The following FANCI variants were observed in gnomAD, a reference collection of about 807,000 sequenced individuals.
FANCI encodes FA complementation group I.
FANCI carries 156 observed loss-of-function variants against 176.1 expected under a neutral mutation model. The observed-to-expected ratio is 0.89, with a 90% CI of 0.78 to 1.01. The LOEUF is 1.01. FANCI is among the 50% of genes least tolerant of loss of function. The pLI, the probability that FANCI is intolerant of heterozygous loss-of-function variation, is 0.00. For synonymous variants in FANCI, 613 were observed against 541.7 expected (o/e 1.13, Z -1.83); for missense variants, 1,678 against 1,534.1 (o/e 1.09, Z -1.57).
chr15:89,299,898 T>C lies in FANCI; in HGVS notation c.2735T>C (p.Leu912Ser), dbSNP rs749842516. The C allele has an allele frequency of 1.9e-6, 3 of 1,614,146 alleles. No homozygotes were observed. In the South Asian group the frequency reaches 3.3e-5, roughly 18 times the overall value. The change falls in exon 25 of 38, where the codon TTA (leucine) becomes TCA (serine). Residue 912 changes from leucine (L) to serine (S), a missense_variant. Transcript: ENST00000310775. ...ATCTCACTGCTGTGCTTGGAGGGTT[T>C]ACAGAAAATATTCAGTGCTGTGCAA... ...KSISLLCLEG[L>S]QKIFSAVQQF...
intron 2 of FANCI, among the ~76,000 whole-genome samples, chr15:89,249,593 C>T (rs1196240359): frequency 6.6e-6 from 1 of 152,188 alleles, no homozygotes; most frequent in East Asian, 1.9e-4. Flanking sequence ...AGCAATCCAC[C>T]CACCTCAGCC....
intron 24 of FANCI, among the ~76,000 whole-genome samples, chr15:89,299,333 A>G (rs1025082467): frequency 3.9e-5 from 6 of 152,216 alleles, no homozygotes; most frequent in Non-Finnish European, 7.3e-5. Flanking sequence ...AGGGAGAAGT[A>G]ATGTAAATTC....
rs759471892 is a variant in FANCI at position 89,292,784 on chromosome 15, G to C, written c.2089G>C (p.Ala697Pro). The C allele has an allele frequency of 2.5e-6, 4 of 1,614,030 alleles. No individual in the cohort carries two copies. The highest frequency in any genetic ancestry group is 2.5e-6 in the Non-Finnish European group (3 of 1,179,988). Residue 697 changes from alanine to proline, a missense_variant, in exon 21 of 38, where the codon GCA becomes CCA. By Grantham distance (27) the Ala-to-Pro change is conservative. Around this residue, in one of 3 missense-constraint regions of FANCI, gnomAD observed 1,204 missense variants for 1,077.4 expected, o/e 1.12. Transcript: ENST00000310775. ...QGEEEEEEEE[A>P]FYEDLDDILE... The stretch of plus-strand genomic sequence containing the variant: ...AGAGGAGGAAGAGGAGGAGGAAGAG[G>C]CATTCTACGAAGACCTAGATGATAT...
intron 24 of FANCI, among the ~76,000 whole-genome samples, chr15:89,296,621 G>T (rs960054355): frequency 1.3e-5 from 2 of 152,100 alleles, no homozygotes; most frequent in African/African-American, 2.4e-5. Context: ...GCAACCATCC[G>T]ATTTCTCAAT....
In FANCI at chr15:89,305,347, G is replaced by A. The variant is rs752465579; in HGVS notation, c.3193G>A (p.Glu1065Lys). Residue 1065 changes from glutamate to lysine, a missense_variant, in exon 30 of 38, where the codon GAG (glutamate) becomes AAG (lysine). By Grantham distance (56) the Glu-to-Lys change is moderately conservative. Around this residue, in one of 3 missense-constraint regions of FANCI, gnomAD observed 1,204 missense variants for 1,077.4 expected, o/e 1.12. Coordinates refer to ENST00000310775, the MANE Select transcript of FANCI (RefSeq NM_001113378.2). ...CCTCTCTTCTTTTCCCCAGGATGTA[G>A]AGGTGGAGAAAACAAACCACTTTGC... ...GHLGDIDQDV[E>K]VEKTNHFAIV... The A allele has an allele frequency of 6.9e-5, 112 of 1,614,068 alleles. No individual in the cohort carries two copies. In the South Asian group the frequency reaches 1.1e-3, roughly 16 times the overall value.
intron 15 of FANCI, among the ~76,000 whole-genome samples, chr15:89,281,534 ACT>A (rs1323343034): frequency 6.6e-6 from 1 of 152,116 alleles, no homozygotes; most frequent in Non-Finnish European, 1.5e-5. Flanking sequence ...AATAATTAAA[ACT>A]CTCTTAGAAC....
Position 89,300,198 on chromosome 15 carries a change from T to C in FANCI, c.2804-102T>C, listed in dbSNP as rs1363131268. The C allele has an allele frequency of 3.3e-6, 4 of 1,218,080 alleles. No homozygotes were observed. The Admixed American group carries it at 8.3e-5, about 25-fold the overall frequency. 75.5% of individuals were successfully genotyped at this position (1,218,080 alleles called of 1,614,324 possible). A position where few individuals can be genotyped will look rare whatever the true frequency, so the allele number is the denominator to read the frequency against. ...TCACAAAATTTTAGAAATTTAAGTC[T>C]GCCTTTAGACTTTTTTTTGGCTTTC... On this transcript the variant is annotated intron_variant, in intron 25 of 37. Transcript: ENST00000310775.
At chr15:89,245,991 G>A (rs2051950479) in intron 1 of FANCI, among the ~76,000 whole-genome samples, 1 of 152,144 alleles carries the variant, frequency 6.6e-6, no homozygotes, top group Non-Finnish European at 1.5e-5. Context: ...GAGATATTTA[G>A]TAGGTAACAT....
chr15:89,264,069 C>G (rs1423255119), intron 8 of FANCI, 43 bp downstream of exon 8: 3 of 1,610,480 alleles, frequency 1.9e-6, no homozygotes, highest in Non-Finnish European at 2.5e-6. Context: ...GGTGGTATGA[C>G]CAGTTATGAC....
At position 89,291,745 on chromosome 15, in the gene FANCI, T is replaced by A. The variant is rs200614095; in HGVS notation, c.1992+31T>A. 68 of 1,549,852 alleles carry A rather than the reference T, an allele frequency of 4.4e-5. No individual in the cohort carries two copies. The East Asian group carries it at 1.3e-3, about 29-fold the overall frequency. On this transcript the variant is annotated intron_variant, in intron 20 of 37. Transcript: ENST00000310775. ...ACTTTTATTCTTCCTTCAACCATTATTTTTAGTATTAAGGATAGGGTTGAA... is the reference window on the plus strand; with the variant it reads ...ACTTTTATTCTTCCTTCAACCATTAATTTTAGTATTAAGGATAGGGTTGAA...
In FANCI at chr15:89,300,337, A is replaced by G; in HGVS notation, c.2841A>G (p.Ala947=). Residue 947 remains alanine, a synonymous_variant, in exon 26 of 38, where the codon GCA becomes GCG. Coordinates refer to ENST00000310775, the MANE Select transcript of FANCI (RefSeq NM_001113378.2). Reference sequence around the variant, plus strand: ...AGGAAGGAGAAGAGAGAGAAGATGCAGATGTCAGTGTCACTCAGAGAACAG... The same window carrying G: ...AGGAAGGAGAAGAGAGAGAAGATGCGGATGTCAGTGTCACTCAGAGAACAG... ...TDKEGEERED[A]DVSVTQRTAF... The G allele has an allele frequency of 6.2e-7, 1 of 1,613,998 alleles. No homozygotes were observed.
At chr15:89,274,547 C>A (rs1184989821) in intron 12 of FANCI, among the ~76,000 whole-genome samples, 1 of 141,460 alleles carries the variant, frequency 7.1e-6, no homozygotes, top group Non-Finnish European at 1.6e-5. Flanking sequence ...GAATTAGTTG[C>A]TTTTGTTTAT....
At position 89,307,601 on chromosome 15, in the gene FANCI, CTTG is replaced by C. The variant is rs781633640; in HGVS notation, c.3592-7_3592-5del. 9.3e-6 allele frequency: 15 copies of C among 1,613,978 alleles called. No individual in the cohort carries two copies. The highest frequency in any genetic ancestry group is 1.3e-5 in the Non-Finnish European group (15 of 1,180,016). ...GCTGGTTACATTGGTTTCCTTCTCC[CTTG>C]TTGTGCAGGTGAAGCTGTCTGGTTC... On this transcript the variant is annotated splice_polypyrimidine_tract_variant and intron_variant, in intron 33 of 37. Coordinates refer to ENST00000310775, the MANE Select transcript of FANCI (RefSeq NM_001113378.2).
At chr15:89,275,564 A>G (rs561401432) in intron 12 of FANCI, among the ~76,000 whole-genome samples, 2 of 152,278 alleles carry the variant, frequency 1.3e-5, no homozygotes, top group South Asian at 2.1e-4. Context: ...CAGTAGGGCA[A>G]ATTTGAAATT....
intron 3 of FANCI, 46 bp downstream of exon 3, chr15:89,258,822 G>A: frequency 7.2e-7 from 1 of 1,389,414 alleles, no homozygotes; most frequent in Non-Finnish European, 1.0e-6. Flanking sequence ...GCATTCATTG[G>A]TAGATTTGTT....
intron 1 of FANCI, 22 bp from the exon 2 acceptor site, chr15:89,247,607 C>T (rs772822420): frequency 7.8e-6 from 12 of 1,532,428 alleles, no homozygotes; most frequent in South Asian, 1.1e-5. Context: ...CTTCACCCAC[C>T]TCTGACGTTT....
At chr15:89,303,992 T>G in intron 28 of FANCI, 77 bp downstream of exon 28, 10 of 1,371,904 alleles carry the variant, frequency 7.3e-6, no homozygotes, top group Non-Finnish European at 1.0e-5. Context: ...AAAGAAAAGG[T>G]ATTCCCCATT....
intron 18 of FANCI, among the ~76,000 whole-genome samples, chr15:89,288,548 C>G (rs918332574): frequency 1.3e-5 from 2 of 150,940 alleles, no homozygotes; most frequent in African/African-American, 4.9e-5. Flanking sequence ...TTAATATGAT[C>G]CTTTTACACT....
intron 35 of FANCI, among the ~76,000 whole-genome samples, chr15:89,313,616 A>G (rs1449190404): frequency 3.3e-5 from 5 of 152,188 alleles, no homozygotes; most frequent in Non-Finnish European, 7.3e-5. Context: ...AAATTAGTAC[A>G]GCCTCTCCAG....
Sources: gnomAD v4.1 joint callset for allele counts (sites outside exome capture counted in the v4.1 genomes callset) on GRCh38, gnomAD v4.1.1 for gene constraint, gnomAD v4.1.1 regional missense constraint, MANE v1.5 for transcripts, NCBI Gene and HGNC (gene_info 2026-07-23, HGNC 2026-07-21) for gene names.